AGBL1: variants seen among roughly 807,000 people sequenced by gnomAD.
AGBL1 encodes the protein cytosolic carboxypeptidase 4.
In AGBL1, 130 loss-of-function variants were observed where a neutral mutation model predicts 118.9. The observed-to-expected ratio is 1.09, with a 90% CI of 0.95 to 1.26. The LOEUF is 1.26. AGBL1 is among the 50% of genes most tolerant of loss of function. The pLI is 0.00. For missense variants in AGBL1, 1,584 were observed against 1,298.1 expected (o/e 1.22, Z -3.38); for synonymous variants, 555 against 478.9 (o/e 1.16, Z -2.08).
chr15:86,582,261 A>G (rs979467973), intron 21 of AGBL1, among the ~76,000 whole-genome samples: 4 of 152,170 alleles, frequency 2.6e-5, no homozygotes, highest in African/African-American at 9.7e-5. Context: ...AAATCAAAAG[A>G]AAGACTTGGT....
Position 86,411,739 on chromosome 15 carries a change from C to T in AGBL1, c.2555+14193C>T, listed in dbSNP as rs572046380. ...AAATAAGAGACATAACTCTTTTTGG[C>T]CATTTTTTTTGTCATTACTCTGCAT... is the stretch of plus-strand genomic sequence containing the variant. On this transcript the variant is annotated intron_variant, in intron 18 of 22. Coordinates refer to ENST00000614907, the MANE Select transcript of AGBL1 (RefSeq NM_001386094.1). Among the ~76,000 whole-genome samples, 19 of 152,178 alleles carry T rather than the reference C, an allele frequency of 1.2e-4. No individual in the cohort carries two copies. The South Asian group carries it at 3.5e-3, about 28-fold the overall frequency.
chr15:87,001,749 C>A (rs1280407329), intron 24 of AGBL1, among the ~76,000 whole-genome samples: 1 of 151,996 alleles, frequency 6.6e-6, no homozygotes, highest in Non-Finnish European at 1.5e-5. Flanking sequence ...AGCATTTTTT[C>A]ATGTGTCTGT....
At chr15:86,734,097 CAT>C (rs2077562076) in intron 22 of AGBL1, among the ~76,000 whole-genome samples, 1 of 152,114 alleles carries the variant, frequency 6.6e-6, no homozygotes, top group African/African-American at 2.4e-5. Flanking sequence ...AGGCAGTTTG[CAT>C]ATGTTTTCTT....
chr15:86,995,127 C>T (rs1239585895), intron 24 of AGBL1, among the ~76,000 whole-genome samples: 2 of 152,112 alleles, frequency 1.3e-5, no homozygotes, highest in Non-Finnish European at 2.9e-5. Flanking sequence ...GTGGCTCACA[C>T]CTGTAATCCC....
At chr15:86,096,043 G>A (rs188855372) in intron 1 of AGBL1, among the ~76,000 whole-genome samples, 30 of 151,404 alleles carry the variant, frequency 2.0e-4, no homozygotes, top group African/African-American at 6.8e-4. Flanking sequence ...CATTATTCCC[G>A]TAAATTTATA....
intron 18 of AGBL1, among the ~76,000 whole-genome samples, chr15:86,400,605 C>T (rs373560727): frequency 7.2e-6 from 1 of 138,894 alleles, no homozygotes. Context: ...TTATCCCTCA[C>T]CCCCCAACTC....
intron 18 of AGBL1, among the ~76,000 whole-genome samples, chr15:86,521,866 G>A (rs966489308): frequency 6.6e-6 from 1 of 152,108 alleles, no homozygotes; most frequent in Non-Finnish European, 1.5e-5. Flanking sequence ...GGAGTTGGGG[G>A]TGCTGGAGGT....
intron 21 of AGBL1, among the ~76,000 whole-genome samples, chr15:86,646,107 C>T (rs2085275030): frequency 6.6e-6 from 1 of 152,090 alleles, no homozygotes; most frequent in Non-Finnish European, 1.5e-5. Flanking sequence ...GTTTATTTCC[C>T]CGTCTTACAT....
intron 7 of AGBL1, among the ~76,000 whole-genome samples, chr15:86,250,595 T>C (rs1282289321): frequency 2.6e-5 from 3 of 115,002 alleles, no homozygotes; most frequent in Admixed American, 9.8e-5. Context: ...CCAGAGAAAA[T>C]GTTATCAAGT....
chr15:87,018,693 TG>T (rs1224950146), intron 24 of AGBL1, among the ~76,000 whole-genome samples: 1 of 152,024 alleles, frequency 6.6e-6, no homozygotes, highest in African/African-American at 2.4e-5. Context: ...AGTGACACTA[TG>T]AAGCAACCAA....
intron 22 of AGBL1, among the ~76,000 whole-genome samples, chr15:86,846,237 A>G (rs999943327): frequency 1.3e-5 from 2 of 152,104 alleles, no homozygotes; most frequent in African/African-American, 4.8e-5. Context: ...TTGTCTGGCA[A>G]TGTCTTGTTT....
downstream of AGBL1, among the ~76,000 whole-genome samples, chr15:86,918,200 T>C (rs920647893): frequency 2.0e-5 from 3 of 152,232 alleles, no homozygotes. Flanking sequence ...GCTGAATGTT[T>C]ACTATTCACA....
intron 22 of AGBL1, among the ~76,000 whole-genome samples, chr15:86,838,127 A>G (rs2079193731): frequency 6.6e-6 from 1 of 151,794 alleles, no homozygotes; most frequent in African/African-American, 2.4e-5. Flanking sequence ...TTACCTTGCC[A>G]TTTGGGAATT....
chr15:86,208,900 G>T (rs970597473), intron 5 of AGBL1, among the ~76,000 whole-genome samples: 7 of 152,026 alleles, frequency 4.6e-5, no homozygotes, highest in Admixed American at 1.3e-4. Flanking sequence ...TCTTTTAATT[G>T]TGATGTTAGG....
At chr15:86,628,060 C>T (rs2084914131) in intron 21 of AGBL1, among the ~76,000 whole-genome samples, 1 of 152,198 alleles carries the variant, frequency 6.6e-6, no homozygotes, top group African/African-American at 2.4e-5. Flanking sequence ...CAGGTGTCCT[C>T]TGTCTTTCCA....
chr15:86,353,538 G>A (rs1045937595), intron 17 of AGBL1, among the ~76,000 whole-genome samples: 1 of 152,142 alleles, frequency 6.6e-6, no homozygotes, highest in African/African-American at 2.4e-5. Flanking sequence ...TGAAATACAT[G>A]CCATTCCAAT....
At chr15:86,644,636 CA>C (rs202060119) in intron 21 of AGBL1, among the ~76,000 whole-genome samples, 1,261 of 111,978 alleles carry the variant, frequency 0.011, 6 homozygotes, top group East Asian at 0.025. Context: ...GGCCTGAACT[CA>C]AAAAAAAAAA....
At chr15:86,207,053 T>C (rs1289696056) in intron 5 of AGBL1, among the ~76,000 whole-genome samples, 2 of 152,200 alleles carry the variant, frequency 1.3e-5, no homozygotes, top group Non-Finnish European at 2.9e-5. Context: ...CCCAGCACCA[T>C]TTATTAAATA....
At chr15:86,478,019 CA>C (rs1312708074) in intron 18 of AGBL1, among the ~76,000 whole-genome samples, 1 of 151,992 alleles carries the variant, frequency 6.6e-6, no homozygotes, top group Non-Finnish European at 1.5e-5. Flanking sequence ...AGGCCTTTGA[CA>C]AAATTCAACA....
Sources: gnomAD v4.1 joint callset for allele counts (sites outside exome capture counted in the v4.1 genomes callset) on GRCh38, gnomAD v4.1.1 for gene constraint, MANE v1.5 for transcripts, NCBI Gene and HGNC (gene_info 2026-07-23, HGNC 2026-07-21) for gene names.